Variants in RNF38 observed in about 807,000 individuals in gnomAD.
The protein encoded by RNF38 is E3 ubiquitin-protein ligase RNF38.
RNF38 carries 15 observed loss-of-function variants against 67.2 expected under a neutral mutation model. The ratio of observed to expected loss-of-function variants is 0.22; its 90% confidence interval spans 0.15 to 0.34. The LOEUF is 0.34. RNF38 is among the 10% of genes least tolerant of loss of function. The pLI, the probability that RNF38 is intolerant of heterozygous loss-of-function variation, is 1.00. For missense variants in RNF38, 524 were observed against 639.9 expected (o/e 0.82, Z 1.95); for synonymous variants, 220 against 218.8 (o/e 1.01, Z -0.05).
rs1833892731 is a variant in RNF38 at position 36,353,958 on chromosome 9, G to A, written c.910-627C>T. The stretch of plus-strand genomic sequence containing the variant: ...GTAGTTAACACTGGGAAACAAGAGG[G>A]AGGCTCTGTCTCAAACAAAAACAAA... On this transcript the variant is annotated intron_variant, in intron 6 of 11. Coordinates refer to ENST00000259605, the MANE Select transcript of RNF38 (RefSeq NM_022781.5). Among the ~76,000 whole-genome samples the A allele has an allele frequency of 3.3e-5, 5 of 152,156 alleles. No individual in the cohort carries two copies. In the South Asian group the frequency reaches 1.0e-3, roughly 32 times the overall value.
At chr9:36,390,785 GTTGCCT>G in intron 1 of RNF38, among the ~76,000 whole-genome samples, 169 bp from the exon 2 acceptor site, 1 of 152,308 alleles carries the variant, frequency 6.6e-6, no homozygotes, top group South Asian at 2.1e-4. Context: ...GATGGCAAAG[GTTGCCT>G]CTGGCAATGG....
At chr9:36,417,644 G>A (rs1838510650) in intron 2 of RNF38, among the ~76,000 whole-genome samples, 1 of 152,032 alleles carries the variant, frequency 6.6e-6, no homozygotes, top group Non-Finnish European at 1.5e-5. Flanking sequence ...CCGAGTAGCT[G>A]GGATTACAGG....
intron 2 of RNF38, among the ~76,000 whole-genome samples, chr9:36,407,682 T>C (rs1013263081): frequency 6.6e-6 from 1 of 152,182 alleles, no homozygotes; most frequent in Non-Finnish European, 1.5e-5. Flanking sequence ...AGCCACACTC[T>C]TGCTTGTTCT....
intron 1 of RNF38, among the ~76,000 whole-genome samples, chr9:36,452,179 T>C (rs1458586285): frequency 6.6e-6 from 1 of 152,158 alleles, no homozygotes; most frequent in Non-Finnish European, 1.5e-5. Context: ...TGAGCCGTGA[T>C]CACACCACTG....
intron 11 of RNF38, 118 bp from the exon 12 acceptor site, chr9:36,339,932 T>A: frequency 2.2e-6 from 2 of 928,278 alleles, no homozygotes; most frequent in South Asian, 1.5e-5. Flanking sequence ...TCTGAAGAGG[T>A]ACAAAGCAAT....
intron 2 of RNF38, among the ~76,000 whole-genome samples, chr9:36,421,791 G>T (rs1244124322): frequency 6.6e-6 from 1 of 152,202 alleles, no homozygotes; most frequent in African/African-American, 2.4e-5. Context: ...TGTGCAGAGG[G>T]CAACAGGTTC....
intron 1 of RNF38, among the ~76,000 whole-genome samples, chr9:36,443,609 GA>G (rs1210308348): frequency 6.6e-6 from 1 of 152,054 alleles, no homozygotes; most frequent in African/African-American, 2.4e-5. Context: ...TTCAATGCTG[GA>G]AAATTATTTC....
intron 1 of RNF38, among the ~76,000 whole-genome samples, chr9:36,456,253 C>T (rs1216093079): frequency 6.6e-6 from 1 of 152,162 alleles, no homozygotes; most frequent in Non-Finnish European, 1.5e-5. Context: ...AAACGGGTTT[C>T]ACCATGTTGG....
intron 1 of RNF38, among the ~76,000 whole-genome samples, chr9:36,443,938 A>G (rs1839249166): frequency 6.6e-6 from 1 of 152,244 alleles, no homozygotes; most frequent in South Asian, 2.1e-4. Context: ...GTCACTCGAC[A>G]GAACCAAGCA....
chr9:36,476,691 C>CT (rs1554702482), intron 1 of RNF38, among the ~76,000 whole-genome samples: 2 of 151,264 alleles, frequency 1.3e-5, no homozygotes, highest in African/African-American at 4.9e-5. Flanking sequence ...GCCCGGCTAA[C>CT]TTTTTTTTGT....
chr9:36,474,071 T>C (rs1840066238), intron 1 of RNF38, among the ~76,000 whole-genome samples: 1 of 151,128 alleles, frequency 6.6e-6, no homozygotes, highest in Non-Finnish European at 1.5e-5. Flanking sequence ...CCCAGCACTT[T>C]GGGAGGCCAA....
chr9:36,345,441 G>C (rs904956044), intron 9 of RNF38, among the ~76,000 whole-genome samples: 2 of 152,068 alleles, frequency 1.3e-5, no homozygotes, highest in Non-Finnish European at 2.9e-5. Context: ...TTGTTGTCGG[G>C]GCTGGCCTGG....
intron 2 of RNF38, among the ~76,000 whole-genome samples, chr9:36,378,746 C>T (rs920597372): frequency 6.6e-6 from 1 of 152,102 alleles, no homozygotes; most frequent in African/African-American, 2.4e-5. Flanking sequence ...TCTTACTTTA[C>T]AAGACATGCA....
intron 4 of RNF38, among the ~76,000 whole-genome samples, chr9:36,368,614 C>T (rs766175786): frequency 6.6e-5 from 10 of 152,066 alleles, no homozygotes; most frequent in African/African-American, 1.2e-4. Flanking sequence ...TATCAGGTTA[C>T]GGCCACAAAT....
At chr9:36,460,885 C>CAAAAAAAAAAAAAAAAAAAAA in intron 1 of RNF38, among the ~76,000 whole-genome samples, 1 of 52,934 alleles carries the variant, frequency 1.9e-5, no homozygotes, top group Non-Finnish European at 3.3e-5. Context: ...GAAACTCTCT[C>CAAAAAAAAAAAAAAAAAAAAA]AAAAAAAAAA....
intron 1 of RNF38, among the ~76,000 whole-genome samples, chr9:36,475,674 T>C (rs1171218662): frequency 1.3e-5 from 2 of 151,302 alleles, no homozygotes; most frequent in South Asian, 2.1e-4. Flanking sequence ...CATTATTTTT[T>C]AGTGGCCAAC....
chr9:36,378,984 T>A (rs1836000636), intron 2 of RNF38, among the ~76,000 whole-genome samples: 1 of 151,240 alleles, frequency 6.6e-6, no homozygotes, highest in African/African-American at 2.4e-5. Context: ...CACCGCAACC[T>A]CTGCCTCCTG....
intron 2 of RNF38, among the ~76,000 whole-genome samples, chr9:36,414,546 C>T (rs1181266016): frequency 1.3e-5 from 2 of 151,848 alleles, no homozygotes; most frequent in African/African-American, 2.4e-5. Context: ...ATTAGCCGGG[C>T]GTGGTGGCAC....
intron 1 of RNF38, among the ~76,000 whole-genome samples, chr9:36,461,043 G>C (rs181564984): frequency 4.1e-4 from 62 of 152,152 alleles, no homozygotes; most frequent in African/African-American, 1.1e-3. Context: ...GGGAAACCCC[G>C]TATCTACTAA....
Sources: gnomAD v4.1 joint callset for allele counts (sites outside exome capture counted in the v4.1 genomes callset) on GRCh38, gnomAD v4.1.1 for gene constraint, MANE v1.5 for transcripts, NCBI Gene and HGNC (gene_info 2026-07-23, HGNC 2026-07-21) for gene names.